The following TANC1 variants were observed in gnomAD, a reference collection of about 807,000 sequenced individuals.
TANC1 encodes tetratricopeptide repeat, ankyrin repeat and coiled-coil containing 1, also known as protein TANC1.
TANC1 carries 77 observed loss-of-function variants against 149.7 expected under a neutral mutation model. That is an observed-to-expected ratio of 0.51 (90% CI 0.43 to 0.62). TANC1 has a LOEUF of 0.62. Ranked by LOEUF, TANC1 falls within the 20% of genes least tolerant of loss-of-function variation. The pLI is 0.00. For synonymous variants in TANC1, 854 were observed against 925.0 expected, an observed-to-expected ratio of 0.92 and a Z score of 1.39; for missense variants, 1,985 against 2,321.8, an observed-to-expected ratio of 0.85 and a Z score of 2.98.
intron 1 of TANC1, among the ~76,000 whole-genome samples, chr2:158,981,537 AT>A (rs2034380195): frequency 9.2e-6 from 1 of 108,330 alleles, no homozygotes; most frequent in African/African-American, 3.2e-5. Flanking sequence ...ATATATATAT[AT>A]ATATAAAGAA....
At chr2:159,090,608 ACTGGTAG>A (rs891010857) in intron 3 of TANC1, among the ~76,000 whole-genome samples, 3 of 152,178 alleles carry the variant, frequency 2.0e-5, no homozygotes, top group African/African-American at 7.2e-5. Flanking sequence ...GTTCCACAGG[ACTGGTAG>A]ACCTGGACAA....
chr2:159,044,587 A>G (rs896009212), intron 2 of TANC1, among the ~76,000 whole-genome samples: 2 of 152,010 alleles, frequency 1.3e-5, no homozygotes, highest in African/African-American at 4.8e-5. Flanking sequence ...CCTGGCTGAG[A>G]ATGGTGCCTC....
At chr2:159,141,861 G>T (rs1167753580) in intron 5 of TANC1, among the ~76,000 whole-genome samples, 1 of 152,124 alleles carries the variant, frequency 6.6e-6, no homozygotes, top group African/African-American at 2.4e-5. Context: ...TGGTAATCAT[G>T]GATTTTTCCC....
At chr2:158,990,216 G>A (rs1434179309) in intron 1 of TANC1, among the ~76,000 whole-genome samples, 3 of 152,184 alleles carry the variant, frequency 2.0e-5, no homozygotes, top group Admixed American at 6.5e-5. Context: ...GATTACAGGC[G>A]TGAGCCACAG....
At chr2:159,177,366 C>G (rs2055981157) in intron 13 of TANC1, among the ~76,000 whole-genome samples, 1 of 152,044 alleles carries the variant, frequency 6.6e-6, no homozygotes, top group African/African-American at 2.4e-5. Context: ...ACCATTGACT[C>G]CTTCTATACC....
At chr2:159,074,069 A>T (rs932174479) in intron 3 of TANC1, among the ~76,000 whole-genome samples, 1 of 152,204 alleles carries the variant, frequency 6.6e-6, no homozygotes, top group South Asian at 2.1e-4. Context: ...CCTTATTCAC[A>T]TCCAGAATCA....
At chr2:159,012,865 G>T (rs994039623) in intron 2 of TANC1, among the ~76,000 whole-genome samples, 2 of 152,094 alleles carry the variant, frequency 1.3e-5, no homozygotes, top group South Asian at 2.1e-4. Context: ...GTTTCTGTGG[G>T]GGGATGTAGG....
intron 3 of TANC1, among the ~76,000 whole-genome samples, chr2:159,067,569 T>G (rs1424669713): frequency 6.6e-6 from 1 of 152,258 alleles, no homozygotes; most frequent in African/African-American, 2.4e-5. Context: ...TTCTGAAAGC[T>G]GTTTAAAAAT....
At chr2:159,125,358 A>G (rs2049328090) in intron 4 of TANC1, among the ~76,000 whole-genome samples, 1 of 152,176 alleles carries the variant, frequency 6.6e-6, no homozygotes, top group Admixed American at 6.5e-5. Context: ...CTGAGAAATT[A>G]CTACAAGCTT....
chr2:159,129,779 G>T (rs1460183354), intron 4 of TANC1, among the ~76,000 whole-genome samples: 3 of 152,206 alleles, frequency 2.0e-5, no homozygotes, highest in African/African-American at 7.2e-5. Flanking sequence ...TTCAGATGAA[G>T]TAGCTTTAAT....
At chr2:159,214,936 C>T (rs2059249596) in intron 19 of TANC1, among the ~76,000 whole-genome samples, 1 of 152,158 alleles carries the variant, frequency 6.6e-6, no homozygotes, top group African/African-American at 2.4e-5. Context: ...GGGCGTGGAA[C>T]ATTCGGAATC....
intron 16 of TANC1, among the ~76,000 whole-genome samples, chr2:159,192,400 C>T (rs2057514887): frequency 6.6e-6 from 1 of 152,126 alleles, no homozygotes; most frequent in Admixed American, 6.6e-5. Context: ...CCTCCCTCCT[C>T]AGCCTCCTAA....
At chr2:159,211,855 AG>A (rs1323301510) in intron 19 of TANC1, among the ~76,000 whole-genome samples, 2 of 152,240 alleles carry the variant, frequency 1.3e-5, no homozygotes, top group Non-Finnish European at 1.5e-5. Flanking sequence ...CTGTGCTTAC[AG>A]GTTTTTAGTT....
chr2:159,218,766 C>A (rs2059504268), intron 20 of TANC1, among the ~76,000 whole-genome samples: 1 of 152,212 alleles, frequency 6.6e-6, no homozygotes, highest in Non-Finnish European at 1.5e-5. Context: ...GCCAATGCTG[C>A]ATCTTAGGAA....
chr2:159,035,237 G>A (rs901093497), intron 2 of TANC1, among the ~76,000 whole-genome samples: 6 of 152,088 alleles, frequency 3.9e-5, no homozygotes, highest in Admixed American at 2.6e-4. Context: ...TGGGAAATTA[G>A]ATCTGAAAAG....
At chr2:159,225,328 G>A (rs368996230) in intron 23 of TANC1, 16 of 343,348 alleles carry the variant, frequency 4.7e-5, no homozygotes, top group East Asian at 2.2e-4. Flanking sequence ...CAGGGACTGC[G>A]TGCTGAGAAC....
At chr2:159,008,767 T>A (rs542303922) in intron 2 of TANC1, among the ~76,000 whole-genome samples, 1 of 152,272 alleles carries the variant, frequency 6.6e-6, no homozygotes, top group East Asian at 1.9e-4. Flanking sequence ...AGTACAAAAT[T>A]CAGCGATAAA....
intron 2 of TANC1, chr2:159,027,009 A>G (rs1275209095): frequency 1.3e-5 from 2 of 151,962 alleles, no homozygotes; most frequent in South Asian, 2.1e-4. Flanking sequence ...CCTCTCCTGA[A>G]CACACTTTTT....
chr2:159,043,442 A>C (rs17811857), intron 2 of TANC1, among the ~76,000 whole-genome samples: 1 of 152,026 alleles, frequency 6.6e-6, no homozygotes, highest in Non-Finnish European at 1.5e-5. Context: ...CCAGGTATTC[A>C]AGGTATGCTA....
Sources: gnomAD v4.1 joint callset for allele counts (sites outside exome capture counted in the v4.1 genomes callset) on GRCh38, gnomAD v4.1.1 for gene constraint, MANE v1.5 for transcripts, NCBI Gene and HGNC (gene_info 2026-07-23, HGNC 2026-07-21) for gene names.